PPM1H: variants seen among roughly 807,000 people sequenced by gnomAD.
The protein encoded by PPM1H is protein phosphatase, Mg2+/Mn2+ dependent 1H.
A neutral mutation model predicts 54.9 loss-of-function variants in PPM1H; 27 were observed. That is an observed-to-expected ratio of 0.49 (90% CI 0.36 to 0.68). The LOEUF (loss-of-function observed/expected upper bound fraction) is 0.68. Among genes scored for constraint, PPM1H ranks in the 30% least tolerant of loss-of-function variants. The probability of loss-of-function intolerance (pLI) is 0.00; values close to 1 mark genes in which losing one functional copy is unlikely to be tolerated. For synonymous variants in PPM1H, 305 were observed against 270.8 expected (o/e 1.13, Z -1.24); for missense variants, 596 against 667.8 (o/e 0.89, Z 1.19).
chr12:62,789,703 G>T (rs545010612), intron 3 of PPM1H, among the ~76,000 whole-genome samples: 3 of 152,192 alleles, frequency 2.0e-5, no homozygotes, highest in Admixed American at 6.5e-5. Context: ...GCAGAGAAGT[G>T]GGGTAGCCTG....
At chr12:62,873,888 T>A (rs954486557) in intron 1 of PPM1H, among the ~76,000 whole-genome samples, 11 of 152,160 alleles carry the variant, frequency 7.2e-5, no homozygotes, top group African/African-American at 2.7e-4. Context: ...CTAACTTAGA[T>A]GAGAACGTTA....
intron 1 of PPM1H, among the ~76,000 whole-genome samples, chr12:62,885,351 G>C (rs1399637965): frequency 6.6e-6 from 1 of 152,074 alleles, no homozygotes; most frequent in Admixed American, 6.5e-5. Flanking sequence ...GTTCACAACA[G>C]GGCTCTTCCC....
chr12:62,778,947 GAAAGA>G (rs780503465), intron 4 of PPM1H, among the ~76,000 whole-genome samples: 35 of 151,024 alleles, frequency 2.3e-4, no homozygotes, highest in Admixed American at 5.9e-4. Context: ...AAGGAAAAAG[GAAAGA>G]AAAGAAAAGA....
chr12:62,749,336 A>G (rs2076428707), intron 4 of PPM1H, among the ~76,000 whole-genome samples: 1 of 152,256 alleles, frequency 6.6e-6, no homozygotes, highest in Admixed American at 6.5e-5. Flanking sequence ...AAAATCTGGT[A>G]CAAGGTGACA....
chr12:62,760,740 C>T (rs937049847), intron 4 of PPM1H, among the ~76,000 whole-genome samples: 26 of 152,162 alleles, frequency 1.7e-4, no homozygotes, highest in Admixed American at 9.8e-4. Context: ...TAACCTGGAG[C>T]GACTTAAATG....
In PPM1H at chr12:62,934,902, C is replaced by A; in HGVS notation, c.-166G>T. ...GAGCCTAGTGCTGCAGGGGGCCGAG[C>A]CCCGGCCTCTCGTGCTTAGTGCCGC... On this transcript the variant is annotated 5_prime_UTR_variant, in exon 1 of 10. Coordinates refer to ENST00000228705, the MANE Select transcript of PPM1H (RefSeq NM_020700.2). This position sits in a 1 kb window ranked among gnomAD's most constrained non-coding sequence, Gnocchi z 4.2. 3.7e-6 allele frequency: 2 copies of A among 536,724 alleles called. No homozygotes were observed. Among genetic ancestry groups the A allele is most frequent in the East Asian group, 4.9e-5 (1 of 20,276 alleles). The allele number at this position is 536,724 out of a possible 1,614,324, so 33.2% of individuals were successfully genotyped here.
At position 62,854,954 on chromosome 12, in the gene PPM1H, G is replaced by A. The variant is rs188725092; in HGVS notation, c.246-22675C>T. Among the ~76,000 whole-genome samples, 53 of 152,202 alleles carry A rather than the reference G, an allele frequency of 3.5e-4. 1 individual carries two copies. The highest frequency in any genetic ancestry group is 1.3e-3 in the African/African-American group (52 of 41,528). ...GACCCTGACCCTCACCCACAGTATAGGCTTAGTATAAGCTTCAGGGATTAG... is the reference window on the plus strand; with the variant it reads ...GACCCTGACCCTCACCCACAGTATAAGCTTAGTATAAGCTTCAGGGATTAG... On this transcript the variant is annotated intron_variant, in intron 1 of 9. Transcript: ENST00000228705.
intron 9 of PPM1H, among the ~76,000 whole-genome samples, chr12:62,659,443 G>C (rs1360271229): frequency 6.6e-6 from 1 of 152,096 alleles, no homozygotes; most frequent in African/African-American, 2.4e-5. Flanking sequence ...TCCCATCTCT[G>C]CCTGAGAGGA....
At chr12:62,745,783 T>A (rs888083523) in intron 4 of PPM1H, among the ~76,000 whole-genome samples, 2 of 152,224 alleles carry the variant, frequency 1.3e-5, no homozygotes, top group Non-Finnish European at 2.9e-5. Context: ...GAACTGCCAA[T>A]CACATTCAAA....
chr12:62,677,736 A>G (rs9804703), intron 8 of PPM1H, among the ~76,000 whole-genome samples: 49,443 of 152,092 alleles, frequency 0.33, 10,342 homozygotes, highest in African/African-American at 0.59. Context: ...CAGCGGGCCC[A>G]AGCAAAACTT....
At chr12:62,813,444 G>A (rs2076847500) in intron 2 of PPM1H, among the ~76,000 whole-genome samples, 1 of 152,150 alleles carries the variant, frequency 6.6e-6, no homozygotes, top group Non-Finnish European at 1.5e-5. Flanking sequence ...TCAATCCTCC[G>A]CGTGCATGGG....
At chr12:62,833,298 TATTG>T (rs1303100259) in intron 1 of PPM1H, among the ~76,000 whole-genome samples, 1 of 152,210 alleles carries the variant, frequency 6.6e-6, no homozygotes, top group African/African-American at 2.4e-5. Flanking sequence ...TACACTGCTC[TATTG>T]ATTGAGTTGC....
At chr12:62,876,141 A>C (rs1470949740) in intron 1 of PPM1H, among the ~76,000 whole-genome samples, 1 of 152,218 alleles carries the variant, frequency 6.6e-6, no homozygotes, top group Non-Finnish European at 1.5e-5. Context: ...AGGATCTGAT[A>C]ATCTGTACAT....
intron 1 of PPM1H, among the ~76,000 whole-genome samples, chr12:62,911,745 T>C (rs1283511518): frequency 6.6e-6 from 1 of 152,206 alleles, no homozygotes; most frequent in Non-Finnish European, 1.5e-5. Context: ...ATCTACTCCA[T>C]CACCTGTCAC....
In PPM1H at chr12:62,882,408, G is replaced by A. The variant is rs140214231; in HGVS notation, c.246-50129C>T. Among the ~76,000 whole-genome samples, 6 of 152,352 alleles carry A rather than the reference G, an allele frequency of 3.9e-5. No individual in the cohort carries two copies. In the Middle Eastern group the frequency reaches 0.014, roughly 345 times the overall value. Reference sequence around the variant, plus strand: ...CTTTGCCCCAGGGCACTGACCTTTCGAGAACCCCAAAGCCAGATAACATGT... The same window carrying A: ...CTTTGCCCCAGGGCACTGACCTTTCAAGAACCCCAAAGCCAGATAACATGT... On this transcript the variant is annotated intron_variant, in intron 1 of 9. Coordinates refer to ENST00000228705, the MANE Select transcript of PPM1H (RefSeq NM_020700.2).
chr12:62,765,703 C>T (rs1253207625), intron 4 of PPM1H, among the ~76,000 whole-genome samples: 2 of 152,306 alleles, frequency 1.3e-5, no homozygotes, highest in East Asian at 3.9e-4. Flanking sequence ...GGGCCCCCGG[C>T]ACACAGAGAG....
chr12:62,893,076 T>A (rs375701271), intron 1 of PPM1H, among the ~76,000 whole-genome samples: 2 of 152,338 alleles, frequency 1.3e-5, no homozygotes, highest in East Asian at 3.9e-4. Context: ...GTGGGTCAAA[T>A]CTGGTCTGTT....
Position 62,720,570 on chromosome 12 carries a change from A to G in PPM1H, c.955-281T>C, listed in dbSNP as rs936822061. The G allele has an allele frequency of 1.9e-5, 7 of 370,560 alleles. No individual in the cohort carries two copies. The South Asian group carries it at 1.9e-4, about 10-fold the overall frequency. The allele number at this position is 370,560 out of a possible 1,614,324, so 23.0% of individuals were successfully genotyped here. ...AGGAAAAAAGACTGAGCTTCTCTCTAAAGAATGGCTTTTTAGTTTTCCAAA... is the reference window on the plus strand; with the variant it reads ...AGGAAAAAAGACTGAGCTTCTCTCTGAAGAATGGCTTTTTAGTTTTCCAAA... On this transcript the variant is annotated intron_variant, in intron 5 of 9. Transcript: ENST00000228705.
At chr12:62,838,347 GGA>G (rs1868577034) in intron 1 of PPM1H, among the ~76,000 whole-genome samples, 1 of 139,930 alleles carries the variant, frequency 7.1e-6, no homozygotes, top group African/African-American at 2.6e-5. Flanking sequence ...GTGGGGGGGG[GGA>G]GATGAATAAC....
Sources: allele counts gnomAD v4.1 joint callset (sites outside exome capture counted in the v4.1 genomes callset), GRCh38; gene constraint gnomAD v4.1.1; non-coding constraint Gnocchi (gnomAD v3.1); transcripts MANE v1.5; gene names NCBI Gene and HGNC (gene_info 2026-07-23, HGNC 2026-07-21).